Variants in RGS12 observed in about 807,000 individuals in gnomAD.
RGS12 encodes the protein regulator of G-protein signaling 12.
RGS12 carries 66 observed loss-of-function variants against 120.1 expected under a neutral mutation model. The observed-to-expected ratio is 0.55, with a 90% CI of 0.45 to 0.67. RGS12 has a LOEUF of 0.67. Ranked by LOEUF, RGS12 falls within the 30% of genes least tolerant of loss-of-function variation. RGS12 has a pLI of 0.00. For synonymous variants in RGS12, 827 were observed against 804.7 expected, an observed-to-expected ratio of 1.03 and a Z score of -0.47; for missense variants, 1,859 against 1,957.7, an observed-to-expected ratio of 0.95 and a Z score of 0.95.
Position 3,411,306 on chromosome 4 carries a change from C to T in RGS12, c.2021-2766C>T, listed in dbSNP as rs116821517. The stretch of plus-strand genomic sequence containing the variant: ...CAGGTGACACCGATGCTGTCCCCTG[C>T]GTGTTCGGGATTGTGGTCTGTGTGT... On this transcript the variant is annotated intron_variant, in intron 4 of 17. Transcript: ENST00000336727. Among the ~76,000 whole-genome samples the T allele has an allele frequency of 3.2e-3, 489 of 151,848 alleles. 5 individuals carry two copies. The highest frequency in any genetic ancestry group is 0.011 in the South Asian group (53 of 4,784).
chr4:3,364,389 T>C (rs747376715), intron 3 of RGS12, among the ~76,000 whole-genome samples: 16 of 152,066 alleles, frequency 1.1e-4, no homozygotes, highest in Non-Finnish European at 2.1e-4. Flanking sequence ...GCAGGGTGGG[T>C]GTATCCGCAG....
chr4:3,341,107 G>A (rs1479408545), intron 2 of RGS12, among the ~76,000 whole-genome samples: 2 of 150,410 alleles, frequency 1.3e-5, no homozygotes, highest in Admixed American at 1.3e-4. Flanking sequence ...ACAGCCCCTG[G>A]GTGCTGGACC....
chr4:3,437,013 T>C (rs985565983), intron 17 of RGS12, among the ~76,000 whole-genome samples: 1 of 152,194 alleles, frequency 6.6e-6, no homozygotes, highest in Non-Finnish European at 1.5e-5. Context: ...CAGGCCCCTC[T>C]GGAGGTGGTG....
At chr4:3,420,578 TG>T in intron 9 of RGS12, 63 bp from the exon 10 acceptor site, 2 of 1,530,030 alleles carry the variant, frequency 1.3e-6, no homozygotes, top group South Asian at 1.1e-5. Flanking sequence ...GGCAGAGGGT[TG>T]GGAGATGTGA....
rs1205670934 is a variant in RGS12 at position 3,374,163 on chromosome 4, AG to A, written c.1999-12251del. Among the ~76,000 whole-genome samples, 9 of 152,184 alleles carry A rather than the reference AG, an allele frequency of 5.9e-5. No homozygotes were observed. The highest frequency in any genetic ancestry group is 1.3e-4 in the Non-Finnish European group (9 of 68,028). ...GTTGGGCGGATGTGGAGGCTGGTTG[AG>A]GTTCCTTGCAACGCTTGCCATCCTA... On this transcript the variant is annotated intron_variant, in intron 3 of 17. Transcript: ENST00000336727. This position sits in a 1 kb window ranked among gnomAD's most constrained non-coding sequence, Gnocchi z 6.3.
chr4:3,437,894 G>T (rs1388582419), intron 17 of RGS12, among the ~76,000 whole-genome samples: 1 of 152,164 alleles, frequency 6.6e-6, no homozygotes, highest in African/African-American at 2.4e-5. Flanking sequence ...GCCCGGACTT[G>T]TTCACAGATG....
rs1042052164 is a variant in RGS12, at chr4:3,365,194, A to G, written c.1999-21222A>G. 1.3e-5 allele frequency among the ~76,000 whole-genome samples: 2 copies of G among 152,312 alleles called. No homozygotes were observed. The highest frequency in any genetic ancestry group is 1.9e-4 in the East Asian group (1 of 5,182). On this transcript the variant is annotated intron_variant, in intron 3 of 17. Transcript: ENST00000336727. This position sits in a 1 kb window ranked among gnomAD's most constrained non-coding sequence, Gnocchi z 4.0. ...TTCAGGGCCAGGGATGGCAGACCGC[A>G]GTCCCCGGCCAGATCCACTGCCTGT... is the stretch of plus-strand genomic sequence containing the variant.
chr4:3,323,728 A>C (rs2108701332), intron 2 of RGS12, among the ~76,000 whole-genome samples: 1 of 152,272 alleles, frequency 6.6e-6, no homozygotes, highest in South Asian at 2.1e-4. Context: ...CTTTGTATAT[A>C]TGTGAGTTTT....
At chr4:3,369,701 T>G (rs1253103077) in intron 3 of RGS12, among the ~76,000 whole-genome samples, 1 of 152,252 alleles carries the variant, frequency 6.6e-6, no homozygotes, top group Non-Finnish European at 1.5e-5. Flanking sequence ...GTTTTCTTTT[T>G]CTTTCCTCCT....
intron 2 of RGS12, among the ~76,000 whole-genome samples, chr4:3,335,902 C>A (rs577691435): frequency 6.6e-6 from 1 of 152,068 alleles, no homozygotes; most frequent in East Asian, 1.9e-4. Flanking sequence ...CCAGCCTGGC[C>A]AACATAGTGA....
chr4:3,328,848 G>A (rs571716998), intron 2 of RGS12, among the ~76,000 whole-genome samples: 44 of 152,268 alleles, frequency 2.9e-4, no homozygotes, highest in African/African-American at 1.0e-3. Flanking sequence ...AACTACATGC[G>A]ACTGTGTCCT....
At chr4:3,423,693 C>T in intron 13 of RGS12, 52 bp downstream of exon 13, 5 of 1,573,442 alleles carry the variant, frequency 3.2e-6, no homozygotes, top group Non-Finnish European at 4.3e-6. Flanking sequence ...TGTCTGTTCC[C>T]TTTGGCAGCC....
chr4:3,436,377 G>A (rs368646625), intron 17 of RGS12, among the ~76,000 whole-genome samples: 5 of 152,312 alleles, frequency 3.3e-5, no homozygotes, highest in East Asian at 1.9e-4. Context: ...TGTGCCCTGC[G>A]AGCTTCCAAG....
At chr4:3,318,079 G>A (rs200904631) in intron 2 of RGS12, 28 bp downstream of exon 2, 87 of 1,560,972 alleles carry the variant, frequency 5.6e-5, no homozygotes, top group Non-Finnish European at 7.0e-5. Context: ...CACTCAGCGC[G>A]GAGGCCCGGC....
intron 4 of RGS12, among the ~76,000 whole-genome samples, chr4:3,396,445 A>T (rs927377684): frequency 6.6e-6 from 1 of 152,106 alleles, no homozygotes; most frequent in African/African-American, 2.4e-5. Flanking sequence ...TGGAATTGGT[A>T]TTTTTGTCTA....
chr4:3,432,667 G>C (rs1307095194), intron 17 of RGS12, among the ~76,000 whole-genome samples: 1 of 152,254 alleles, frequency 6.6e-6, no homozygotes, highest in Non-Finnish European at 1.5e-5. Context: ...AGGAGGGTGG[G>C]TGGTACCGGC....
At position 3,372,551 on chromosome 4, in the gene RGS12, G is replaced by T. The variant is rs572090461; in HGVS notation, c.1999-13865G>T. Among the ~76,000 whole-genome samples the T allele has an allele frequency of 1.5e-4, 23 of 152,190 alleles. No homozygotes were observed. The highest frequency in any genetic ancestry group is 2.6e-4 in the Non-Finnish European group (18 of 68,036). ...CTTTAGTCCTCAGCTGTCAGAGGCC[G>T]CCTCGGGTGCATCCACGCTGGCCCC... On this transcript the variant is annotated intron_variant, in intron 3 of 17. Coordinates refer to ENST00000336727, the MANE Select transcript of RGS12 (RefSeq NM_001394154.1). The surrounding 1 kb of genome is among the most constrained non-coding windows in gnomAD (Gnocchi z 4.3).
chr4:3,342,479 C>T, intron 2 of RGS12: 1 of 1,289,106 alleles, frequency 7.8e-7, no homozygotes, highest in Non-Finnish European at 1.0e-6. Context: ...GGGATTCTTT[C>T]ATTTCCTAAA....
At chr4:3,299,895 C>T (rs904235118) in intron 1 of RGS12, among the ~76,000 whole-genome samples, 15 of 152,308 alleles carry the variant, frequency 9.8e-5, no homozygotes, top group East Asian at 3.9e-4. Context: ...CTGGACCCCA[C>T]GCAGGTGTGC....
Sources: gnomAD v4.1 joint callset for allele counts (sites outside exome capture counted in the v4.1 genomes callset) on GRCh38, gnomAD v4.1.1 for gene constraint, Gnocchi (gnomAD v3.1) non-coding constraint, MANE v1.5 for transcripts, NCBI Gene and HGNC (gene_info 2026-07-23, HGNC 2026-07-21) for gene names.